Variants in KSR2 observed in about 807,000 individuals in gnomAD.
KSR2 encodes kinase suppressor of ras 2.
A neutral mutation model predicts 107.8 loss-of-function variants in KSR2; 25 were observed. The observed-to-expected ratio is 0.23, with a 90% CI of 0.17 to 0.32. KSR2 has a LOEUF of 0.32. KSR2 is among the 10% of genes least tolerant of loss of function. The pLI is 1.00. For missense variants in KSR2, 887 were observed against 1,268.9 expected, an observed-to-expected ratio of 0.70 and a Z score of 4.57; for synonymous variants, 480 against 507.0, an observed-to-expected ratio of 0.95 and a Z score of 0.71.
At chr12:117,631,182 TC>T (rs1882789448) in intron 5 of KSR2, among the ~76,000 whole-genome samples, 1 of 152,126 alleles carries the variant, frequency 6.6e-6, no homozygotes, top group Admixed American at 6.5e-5. Context: ...GTACCTGTAA[TC>T]CCAGCTACTT....
At chr12:117,677,976 C>T (rs542422315) in intron 4 of KSR2, among the ~76,000 whole-genome samples, 7 of 152,292 alleles carry the variant, frequency 4.6e-5, no homozygotes, top group Non-Finnish European at 1.0e-4. Flanking sequence ...GCTCTGTTGA[C>T]CAGGCTGCAG....
chr12:117,813,359 T>C (rs778671810), intron 3 of KSR2, among the ~76,000 whole-genome samples: 19 of 152,182 alleles, frequency 1.2e-4, no homozygotes, highest in Non-Finnish European at 2.2e-4. Flanking sequence ...ACCTACGGAA[T>C]GGCAGAAAAT....
In KSR2 at chr12:117,463,116, C is replaced by T. The variant is rs1161677634; in HGVS notation, c.*4083G>A. 2 of 152,214 alleles carry T rather than the reference C, an allele frequency of 1.3e-5. No individual in the cohort carries two copies. Among genetic ancestry groups the T allele is most frequent in the African/African-American group, 2.4e-5 (1 of 41,440 alleles). 9.4% of individuals were successfully genotyped at this position (152,214 alleles called of 1,614,324 possible). A position where few individuals can be genotyped will look rare whatever the true frequency, so the allele number is the denominator to read the frequency against. On this transcript the variant is annotated 3_prime_UTR_variant, in exon 20 of 20. Transcript: ENST00000339824. Reference sequence around the variant, plus strand: ...TGTTATTATGGCCCCCCTTAGCAAACGAAGAGTTTTAAAGTCCAGGGAGTT... The same window carrying T: ...TGTTATTATGGCCCCCCTTAGCAAATGAAGAGTTTTAAAGTCCAGGGAGTT...
intron 3 of KSR2, among the ~76,000 whole-genome samples, chr12:117,834,928 T>C (rs1892136603): frequency 6.6e-6 from 1 of 152,196 alleles, no homozygotes; most frequent in South Asian, 2.1e-4. Flanking sequence ...GCAGTAATAG[T>C]AACAACAGTT....
chr12:117,599,760 C>T (rs1880833087), intron 5 of KSR2, among the ~76,000 whole-genome samples: 1 of 152,168 alleles, frequency 6.6e-6, no homozygotes, highest in Non-Finnish European at 1.5e-5. Context: ...ATCAAGAATG[C>T]ACAAGAAGGA....
At chr12:117,710,314 C>G (rs146717220) in intron 4 of KSR2, among the ~76,000 whole-genome samples, 3 of 152,130 alleles carry the variant, frequency 2.0e-5, no homozygotes, top group Non-Finnish European at 4.4e-5. Context: ...CGCCTCTCAT[C>G]TTTTATTTAA....
chr12:117,773,515 C>A (rs1376139154), intron 3 of KSR2, among the ~76,000 whole-genome samples: 1 of 151,998 alleles, frequency 6.6e-6, no homozygotes, highest in Non-Finnish European at 1.5e-5. Context: ...CTCTGAATTT[C>A]GGAGCCAGCA....
At chr12:117,751,344 G>A (rs955815806) in intron 4 of KSR2, among the ~76,000 whole-genome samples, 1 of 152,128 alleles carries the variant, frequency 6.6e-6, no homozygotes, top group Non-Finnish European at 1.5e-5. Context: ...CATTAGCAGC[G>A]TGAGAACGGA....
At chr12:117,895,327 T>C (rs1162819474) in intron 1 of KSR2, among the ~76,000 whole-genome samples, 1 of 152,138 alleles carries the variant, frequency 6.6e-6, no homozygotes, top group Non-Finnish European at 1.5e-5. Flanking sequence ...CTTACCCTAC[T>C]CCAGGCTCTG....
intron 4 of KSR2, among the ~76,000 whole-genome samples, chr12:117,695,526 T>C (rs927756976): frequency 8.9e-5 from 12 of 135,526 alleles, no homozygotes; most frequent in Middle Eastern, 4.0e-3. Flanking sequence ...GGAAACATGA[T>C]GAAATCCCAT....
intron 3 of KSR2, among the ~76,000 whole-genome samples, chr12:117,769,628 C>T (rs948315925): frequency 6.6e-6 from 1 of 152,180 alleles, no homozygotes; most frequent in Non-Finnish European, 1.5e-5. Flanking sequence ...TTCCCTAGCA[C>T]ACAGTCAATG....
chr12:117,605,880 A>G (rs10850856), intron 5 of KSR2, among the ~76,000 whole-genome samples: 31,067 of 152,218 alleles, frequency 0.2, 3,903 homozygotes, highest in Admixed American at 0.3. Context: ...GGAAGAGAAA[A>G]CCAAACACAG....
intron 5 of KSR2, among the ~76,000 whole-genome samples, chr12:117,642,834 T>G (rs896561723): frequency 6.6e-6 from 1 of 152,106 alleles, no homozygotes; most frequent in African/African-American, 2.4e-5. Flanking sequence ...GTTTCCAAGT[T>G]GAGTTTTAAG....
intron 14 of KSR2, among the ~76,000 whole-genome samples, chr12:117,514,625 T>C (rs963101987): frequency 4.0e-5 from 6 of 150,528 alleles, no homozygotes; most frequent in African/African-American, 1.5e-4. Context: ...GCTTTCTCAC[T>C]GCAGCCTCAG....
intron 4 of KSR2, among the ~76,000 whole-genome samples, chr12:117,714,469 A>G (rs188622692): frequency 1.5e-3 from 231 of 152,330 alleles, no homozygotes; most frequent in African/African-American, 5.4e-3. Context: ...GAGAGGGGCC[A>G]TAGGGAGAGA....
At chr12:117,607,197 T>A (rs1006944203) in intron 5 of KSR2, among the ~76,000 whole-genome samples, 10 of 152,168 alleles carry the variant, frequency 6.6e-5, no homozygotes, top group Non-Finnish European at 1.5e-4. Flanking sequence ...GAGCAGTCAC[T>A]AACGAAGACC....
intron 5 of KSR2, among the ~76,000 whole-genome samples, chr12:117,636,342 A>AAT (rs10540371): frequency 1.0e-3 from 151 of 149,300 alleles, no homozygotes; most frequent in African/African-American, 3.1e-3. Flanking sequence ...ATGTACTCCA[A>AAT]ATATATATAT....
intron 4 of KSR2, among the ~76,000 whole-genome samples, chr12:117,737,876 T>A (rs1023464573): frequency 1.3e-5 from 2 of 151,822 alleles, no homozygotes; most frequent in African/African-American, 4.8e-5. Context: ...CGGCCACACT[T>A]TTTTCCTAAT....
At chr12:117,633,370 C>T (rs1385420706) in intron 5 of KSR2, among the ~76,000 whole-genome samples, 3 of 152,196 alleles carry the variant, frequency 2.0e-5, no homozygotes, top group Non-Finnish European at 4.4e-5. Flanking sequence ...AGCAGAGCCA[C>T]CAGGAACAGG....
Sources: gnomAD v4.1 joint callset for allele counts (sites outside exome capture counted in the v4.1 genomes callset) on GRCh38, gnomAD v4.1.1 for gene constraint, MANE v1.5 for transcripts, NCBI Gene and HGNC (gene_info 2026-07-23, HGNC 2026-07-21) for gene names.